LGR6: variants seen among roughly 807,000 people sequenced by gnomAD.
LGR6 encodes the protein leucine rich repeat containing G protein-coupled receptor 6, also known as leucine-rich repeat-containing G protein-coupled receptor 6.
Under a neutral mutation model 69.4 loss-of-function variants are expected in LGR6, and 45 were observed. The observed-to-expected ratio is 0.65, with a 90% CI of 0.51 to 0.83. The LOEUF (loss-of-function observed/expected upper bound fraction) is 0.83. LGR6 is among the 40% of genes least tolerant of loss of function. The pLI is 0.00. For missense variants in LGR6, 1,108 were observed against 1,246.7 expected (o/e 0.89, Z 1.68); for synonymous variants, 538 against 555.0 (o/e 0.97, Z 0.43).
chr1:202,225,588 GA>G (rs1660483718), intron 2 of LGR6, 94 bp downstream of exon 2: 3 of 1,122,634 alleles, frequency 2.7e-6, no homozygotes, highest in Non-Finnish European at 4.0e-6. Flanking sequence ...GGAGAGAAGA[GA>G]AAGGGGCTTG....
At chr1:202,208,429 T>C (rs1168472627) in intron 1 of LGR6, among the ~76,000 whole-genome samples, 1 of 150,956 alleles carries the variant, frequency 6.6e-6, no homozygotes, top group Non-Finnish European at 1.5e-5. Flanking sequence ...AGAAGGGGCA[T>C]GAGTGAGCCA....
At chr1:202,301,076 T>C (rs1348569795) in intron 8 of LGR6, 88 bp from the exon 9 acceptor site, 3 of 1,400,262 alleles carry the variant, frequency 2.1e-6, no homozygotes, top group Admixed American at 1.7e-5. Context: ...TGGGTCTACA[T>C]TGATAGGAGA....
At chr1:202,238,352 T>G (rs976360595) in intron 4 of LGR6, among the ~76,000 whole-genome samples, 1 of 149,822 alleles carries the variant, frequency 6.7e-6, no homozygotes. Flanking sequence ...TCCACCTACC[T>G]TGGTCTCCCC....
At chr1:202,307,926 C>CA (rs1653384447) in intron 14 of LGR6, among the ~76,000 whole-genome samples, 1 of 152,184 alleles carries the variant, frequency 6.6e-6, no homozygotes, top group Non-Finnish European at 1.5e-5. Flanking sequence ...GAAGGGGCCT[C>CA]TGCTGCAGCT....
Position 202,304,650 on chromosome 1 carries a change from C to G in LGR6, c.1070+20C>G, listed in dbSNP as rs761607208. On this transcript the variant is annotated intron_variant, in intron 11 of 17. Coordinates refer to ENST00000367278, the MANE Select transcript of LGR6 (RefSeq NM_001017403.2). The stretch of plus-strand genomic sequence containing the variant: ...AGTCCTGTGAGTGCTCACAAGAATT[C>G]TACAGTCTTGGCATTGTGCCCCTAC... The G allele has an allele frequency of 1.4e-5, 23 of 1,596,202 alleles. No individual in the cohort carries two copies. The highest frequency in any genetic ancestry group is 2.0e-5 in the Non-Finnish European group (23 of 1,165,166).
intron 1 of LGR6, among the ~76,000 whole-genome samples, chr1:202,217,571 CA>C (rs1217111294): frequency 6.6e-6 from 1 of 152,216 alleles, no homozygotes; most frequent in African/African-American, 2.4e-5. Context: ...CTTCGGGCGA[CA>C]CTGTGGGTGC....
At chr1:202,249,538 A>G (rs940415101) in intron 4 of LGR6, among the ~76,000 whole-genome samples, 2 of 152,190 alleles carry the variant, frequency 1.3e-5, no homozygotes, top group South Asian at 4.1e-4. Context: ...GCCTATTGGA[A>G]TCTCCACTTG....
intron 1 of LGR6, among the ~76,000 whole-genome samples, chr1:202,205,477 T>TATCACA (rs1659164793): frequency 2.6e-4 from 1 of 3,786 alleles, no homozygotes; most frequent in South Asian, 8.5e-3. Flanking sequence ...CACACACACC[T>TATCACA]CCTTCAAACA....
intron 10 of LGR6, among the ~76,000 whole-genome samples, chr1:202,303,944 A>G (rs1032793037): frequency 1.3e-5 from 2 of 151,842 alleles, no homozygotes; most frequent in Non-Finnish European, 2.9e-5. Flanking sequence ...CATGTGGAAA[A>G]TTTTCCATGA....
intron 4 of LGR6, among the ~76,000 whole-genome samples, chr1:202,240,243 G>C (rs1264042852): frequency 2.6e-5 from 4 of 151,948 alleles, no homozygotes; most frequent in Non-Finnish European, 5.9e-5. Flanking sequence ...GTGTGGTGGT[G>C]GGTGCCTGTA....
intron 4 of LGR6, among the ~76,000 whole-genome samples, chr1:202,253,377 A>G (rs984290267): frequency 3.3e-5 from 5 of 151,292 alleles, no homozygotes; most frequent in Middle Eastern, 3.2e-3. Context: ...ATCTCGGCTC[A>G]CTGCAATCTC....
At chr1:202,263,315 G>A (rs1299555174) in intron 4 of LGR6, among the ~76,000 whole-genome samples, 1 of 152,012 alleles carries the variant, frequency 6.6e-6, no homozygotes, top group Non-Finnish European at 1.5e-5. Flanking sequence ...TAGAGACGGG[G>A]GTTTCACCAT....
intron 3 of LGR6, among the ~76,000 whole-genome samples, 159 bp downstream of exon 3, chr1:202,228,166 C>G (rs561653570): frequency 1.3e-5 from 2 of 152,342 alleles, no homozygotes; most frequent in Admixed American, 6.5e-5. Flanking sequence ...CTTTGCTTCA[C>G]CTTGTCTGTA....
chr1:202,205,762 C>T (rs1214360068), intron 1 of LGR6, among the ~76,000 whole-genome samples: 5 of 150,820 alleles, frequency 3.3e-5, no homozygotes, highest in African/African-American at 1.2e-4. Flanking sequence ...CAAATACACA[C>T]ACACACCTCC....
At chr1:202,273,451 G>GT (rs1179805590) in intron 4 of LGR6, among the ~76,000 whole-genome samples, 82 of 148,520 alleles carry the variant, frequency 5.5e-4, no homozygotes, top group African/African-American at 1.6e-3. Flanking sequence ...AATGTGACCT[G>GT]TTTTTTTTTG....
chr1:202,194,478 G>T, intron 1 of LGR6: 1 of 638,084 alleles, frequency 1.6e-6, no homozygotes. Flanking sequence ...TGGCGAGGTG[G>T]GTTCTGGACC....
At chr1:202,216,065 G>A (rs1659761543) in intron 1 of LGR6, among the ~76,000 whole-genome samples, 2 of 152,202 alleles carry the variant, frequency 1.3e-5, no homozygotes, top group African/African-American at 4.8e-5. Context: ...ATCTGTGATT[G>A]GACTTTGCCG....
intron 1 of LGR6, among the ~76,000 whole-genome samples, chr1:202,196,519 C>T (rs1658646801): frequency 6.6e-6 from 1 of 152,174 alleles, no homozygotes; most frequent in Admixed American, 6.5e-5. Context: ...CTCTCTGAGC[C>T]ACTCAAACTT....
intron 6 of LGR6, among the ~76,000 whole-genome samples, chr1:202,291,990 G>A (rs992275420): frequency 2.6e-5 from 4 of 152,166 alleles, no homozygotes; most frequent in South Asian, 2.1e-4. Flanking sequence ...TAGTTGGACC[G>A]GACTTCAAAG....
Sources: gnomAD v4.1 joint callset for allele counts (sites outside exome capture counted in the v4.1 genomes callset) on GRCh38, gnomAD v4.1.1 for gene constraint, MANE v1.5 for transcripts, NCBI Gene and HGNC (gene_info 2026-07-23, HGNC 2026-07-21) for gene names.